ADAMTS12: variants seen among roughly 807,000 people sequenced by gnomAD.
ADAMTS12 encodes the protein ADAM metallopeptidase with thrombospondin type 1 motif 12.
A neutral mutation model predicts 167.8 loss-of-function variants in ADAMTS12; 118 were observed. The ratio of observed to expected loss-of-function variants is 0.70; its 90% CI spans 0.61 to 0.82. ADAMTS12 has a LOEUF of 0.82. Ranked by LOEUF, ADAMTS12 falls within the 40% of genes least tolerant of loss-of-function variation. The pLI is 0.00. For synonymous variants in ADAMTS12, 704 were observed against 716.9 expected, an observed-to-expected ratio of 0.98 and a Z score of 0.29; for missense variants, 1,916 against 1,998.8, an observed-to-expected ratio of 0.96 and a Z score of 0.79.
chr5:33,530,252 C>G (rs900357031), intron 23 of ADAMTS12, among the ~76,000 whole-genome samples: 1 of 152,102 alleles, frequency 6.6e-6, no homozygotes, highest in Non-Finnish European at 1.5e-5. Context: ...TTCAGATTTT[C>G]TCCTCAAAAT....
Position 33,658,285 on chromosome 5 carries a change from C to A in ADAMTS12, c.1089G>T (p.Leu363=). ...GFNRPCETLG[L]SHLSGMCQPH... ...GCTGACACATTCCTGAAAGGTGAGA[C>A]AGGCCCAGGGTCTCGCAGGGGCGAT... The change falls in exon 7 of 24, where the codon CTG becomes CTT. Residue 363 remains leucine (L), a synonymous_variant. Transcript: ENST00000504830. The A allele has an allele frequency of 6.2e-7, 1 of 1,613,722 alleles. No homozygotes were observed. The highest frequency in any genetic ancestry group is 1.7e-5 in the Admixed American group (1 of 59,980).
At chr5:33,589,065 C>T (rs1198357896) in intron 17 of ADAMTS12, among the ~76,000 whole-genome samples, 1 of 152,150 alleles carries the variant, frequency 6.6e-6, no homozygotes, top group African/African-American at 2.4e-5. Flanking sequence ...ATATGCATGC[C>T]CTCTCTTTTC....
rs771323749 is a variant in ADAMTS12 at position 33,662,002 on chromosome 5, C to T, written c.954G>A (p.Leu318=). 2.5e-6 allele frequency: 4 copies of T among 1,612,692 alleles called. No homozygotes were observed. Among genetic ancestry groups the T allele is most frequent in the Non-Finnish European group, 3.4e-6 (4 of 1,179,632 alleles). The change falls in exon 6 of 24, where the codon CTG becomes CTA. Residue 318 remains leucine, a synonymous_variant. Coordinates refer to ENST00000504830, the MANE Select transcript of ADAMTS12 (RefSeq NM_030955.4). ...TCTTCTGCCACTTGCAGAAGCTAGA[C>T]AGTGTCTTTTCTGCATGGTGAACTA... ...LKIVHHAEKT[L]SSFCKWQKSI...
At chr5:33,606,540 C>T (rs944985966) in intron 16 of ADAMTS12, among the ~76,000 whole-genome samples, 2 of 152,232 alleles carry the variant, frequency 1.3e-5, no homozygotes, top group Non-Finnish European at 2.9e-5. Flanking sequence ...ACTCTAGCCA[C>T]TTGATCTGCA....
intron 13 of ADAMTS12, among the ~76,000 whole-genome samples, chr5:33,628,264 G>C (rs547611925): frequency 6.6e-6 from 1 of 152,158 alleles, no homozygotes; most frequent in Non-Finnish European, 1.5e-5. Context: ...CAGACAGTGG[G>C]TATGAGAGTG....
chr5:33,840,295 T>A (rs1748700956), intron 2 of ADAMTS12: 1 of 152,260 alleles, frequency 6.6e-6, no homozygotes. Context: ...AGGGTCTCAC[T>A]GTATGTATTC....
chr5:33,800,293 C>G (rs1177371402), intron 2 of ADAMTS12, among the ~76,000 whole-genome samples: 7 of 152,162 alleles, frequency 4.6e-5, no homozygotes, highest in Non-Finnish European at 7.3e-5. Flanking sequence ...GAGTATAACA[C>G]ACGTCCCTGC....
chr5:33,588,324 T>G (rs1438691333), intron 18 of ADAMTS12, among the ~76,000 whole-genome samples: 1 of 152,096 alleles, frequency 6.6e-6, no homozygotes, highest in African/African-American at 2.4e-5. Context: ...CTTCTGATGA[T>G]TTATTAACTA....
intron 3 of ADAMTS12, among the ~76,000 whole-genome samples, chr5:33,747,247 C>T (rs1744821935): frequency 6.6e-6 from 1 of 152,020 alleles, no homozygotes; most frequent in African/African-American, 2.4e-5. Flanking sequence ...GACTCTGGGT[C>T]CAGGGGAGAC....
At chr5:33,560,967 C>T in intron 20 of ADAMTS12, 60 bp downstream of exon 20, 1 of 1,579,288 alleles carries the variant, frequency 6.3e-7, no homozygotes. Context: ...TATAAGATTC[C>T]CTTTCCAACC....
At chr5:33,842,052 C>T (rs1008047058) in intron 2 of ADAMTS12, among the ~76,000 whole-genome samples, 4 of 152,172 alleles carry the variant, frequency 2.6e-5, no homozygotes, top group African/African-American at 9.7e-5. Context: ...CCATTAGCAC[C>T]ACTCATGCAA....
intron 18 of ADAMTS12, among the ~76,000 whole-genome samples, chr5:33,583,064 A>G (rs1230960037): frequency 6.7e-6 from 1 of 149,044 alleles, no homozygotes; most frequent in Admixed American, 6.8e-5. Flanking sequence ...TCATTGTACT[A>G]TCAAATAGTA....
At chr5:33,564,150 C>A (rs1377194370) in intron 19 of ADAMTS12, among the ~76,000 whole-genome samples, 1 of 152,198 alleles carries the variant, frequency 6.6e-6, no homozygotes, top group African/African-American at 2.4e-5. Context: ...AGATCACACC[C>A]AAGGAACTTT....
chr5:33,588,914 G>C (rs1399881068), intron 17 of ADAMTS12, 105 bp from the exon 18 acceptor site: 3 of 1,352,568 alleles, frequency 2.2e-6, no homozygotes, highest in African/African-American at 1.5e-5. Context: ...AGGGCTGGAA[G>C]GGCCATGGAG....
At chr5:33,715,841 C>A (rs921657899) in intron 3 of ADAMTS12, among the ~76,000 whole-genome samples, 2 of 151,994 alleles carry the variant, frequency 1.3e-5, no homozygotes, top group African/African-American at 4.8e-5. Context: ...ACTGTGTAAC[C>A]TTTGTTGTCA....
chr5:33,723,989 AT>A (rs1467037808), intron 3 of ADAMTS12, among the ~76,000 whole-genome samples: 1 of 152,168 alleles, frequency 6.6e-6, no homozygotes, highest in African/African-American at 2.4e-5. Context: ...TTTCATGGTG[AT>A]TGTGGCTCTG....
intron 23 of ADAMTS12, 60 bp downstream of exon 23, chr5:33,534,773 T>A: frequency 6.5e-7 from 1 of 1,544,332 alleles, no homozygotes; most frequent in Non-Finnish European, 8.7e-7. Context: ...ACAAGTTGTA[T>A]CATGCAGGAT....
Position 33,546,173 on chromosome 5 carries a change from C to T in ADAMTS12, c.4332G>A (p.Gln1444=), listed in dbSNP as rs199556581. 2.9e-4 allele frequency: 472 copies of T among 1,613,748 alleles called. No homozygotes were observed. Among genetic ancestry groups the T allele is most frequent in the Non-Finnish European group, 3.7e-4 (440 of 1,179,904 alleles). ...CTCCTGGACAGAACACTCCTCTCTC[C>T]TGAACTCCACCTCCACAGGACCTGG... ...QCSRSCGGGV[Q]ERGVFCPGGL... Residue 1444 remains glutamine (Q), a synonymous_variant, in exon 22 of 24, where the codon CAG becomes CAA. Transcript: ENST00000504830.
At chr5:33,706,663 A>G (rs1273321351) in intron 3 of ADAMTS12, among the ~76,000 whole-genome samples, 1 of 152,168 alleles carries the variant, frequency 6.6e-6, no homozygotes, top group Non-Finnish European at 1.5e-5. Context: ...TTTAAGGTTA[A>G]TATTGTTATG....
Sources: allele counts gnomAD v4.1 joint callset (sites outside exome capture counted in the v4.1 genomes callset), GRCh38; gene constraint gnomAD v4.1.1; transcripts MANE v1.5; gene names NCBI Gene and HGNC (gene_info 2026-07-23, HGNC 2026-07-21).